The following ATP10D variants were observed in gnomAD, a reference collection of about 807,000 sequenced individuals.
ATP10D encodes the protein ATPase phospholipid transporting 10D (putative), also known as phospholipid-transporting ATPase VD.
A neutral mutation model predicts 144.8 loss-of-function variants in ATP10D; 89 were observed. That is an observed-to-expected ratio of 0.61 (90% confidence interval 0.52 to 0.73). ATP10D has a LOEUF of 0.73. Ranked by LOEUF, ATP10D falls within the 30% of genes least tolerant of loss-of-function variation. ATP10D has a pLI of 0.00. For missense variants in ATP10D, 1,603 were observed against 1,714.8 expected, an observed-to-expected ratio of 0.93 and a Z score of 1.15; for synonymous variants, 571 against 615.1, an observed-to-expected ratio of 0.93 and a Z score of 1.06.
chr4:47,485,393 TC>T lies in ATP10D; in HGVS notation c.-161del. ...AGATGTCTAAGTGATTTTTTTTTTT[TC>T]CCGGAAGGCAAATGGCTGGCGTGGA... On this transcript the variant is annotated 5_prime_UTR_variant, in exon 1 of 23. Coordinates refer to ENST00000273859, the MANE Select transcript of ATP10D (RefSeq NM_020453.4). 6.7e-6 allele frequency: 1 copy of T among 150,134 alleles called. No individual in the cohort carries two copies. The highest frequency in any genetic ancestry group is 1.5e-5 in the Non-Finnish European group (1 of 67,662). 9.3% of individuals were successfully genotyped at this position (150,134 alleles called of 1,614,324 possible). A position where few individuals can be genotyped will look rare whatever the true frequency, so the allele number is the denominator to read the frequency against.
intron 10 of ATP10D, among the ~76,000 whole-genome samples, chr4:47,547,781 A>G (rs7687166): frequency 0.24 from 36,148 of 152,018 alleles, 4,301 homozygotes; most frequent in Admixed American, 0.3. Flanking sequence ...AAGGCCTCGA[A>G]CTTCCCAGGA....
At chr4:47,538,661 C>A (rs1444121646) in intron 9 of ATP10D, among the ~76,000 whole-genome samples, 1 of 152,154 alleles carries the variant, frequency 6.6e-6, no homozygotes, top group Non-Finnish European at 1.5e-5. Flanking sequence ...TTATTGATGA[C>A]CTCATCCTAT....
At position 47,554,577 on chromosome 4, in the gene ATP10D, C is replaced by T. The variant is rs74631009; in HGVS notation, c.1636-149C>T. 5,045 of 580,950 alleles carry T rather than the reference C, an allele frequency of 8.7e-3. 188 individuals carry two copies. Among genetic ancestry groups the T allele is most frequent in the African/African-American group, 0.086 (4,567 of 53,178 alleles). The allele number at this position is 580,950 out of a possible 1,614,324, so 36.0% of individuals were successfully genotyped here. A position where few individuals can be genotyped will look rare whatever the true frequency, so the allele number is the denominator to read the frequency against. ...TTTCCTATTCTCACTTCCCATGACA[C>T]GATATACATTACAATTGTTTTTAGA... On this transcript the variant is annotated intron_variant, in intron 10 of 22. Transcript: ENST00000273859.
At chr4:47,516,191 C>G (rs1222677895) in intron 3 of ATP10D, among the ~76,000 whole-genome samples, 1 of 151,650 alleles carries the variant, frequency 6.6e-6, no homozygotes, top group African/African-American at 2.4e-5. Flanking sequence ...GATCGCACCA[C>G]TGCACTCCAG....
intron 1 of ATP10D, among the ~76,000 whole-genome samples, chr4:47,488,175 A>G (rs1189168361): frequency 6.6e-6 from 1 of 152,188 alleles, no homozygotes; most frequent in Non-Finnish European, 1.5e-5. Context: ...TTATGTATCT[A>G]TATTGATAAA....
At chr4:47,493,063 C>A (rs1472492055) in intron 1 of ATP10D, among the ~76,000 whole-genome samples, 2 of 152,080 alleles carry the variant, frequency 1.3e-5, no homozygotes, top group Non-Finnish European at 2.9e-5. Context: ...ATTCATTATT[C>A]TTTTTATCTC....
chr4:47,486,284 A>G lies in ATP10D; in HGVS notation c.-38+765A>G, dbSNP rs117301004. On this transcript the variant is annotated intron_variant, in intron 1 of 22. Transcript: ENST00000273859. Reference sequence around the variant, plus strand: ...GGGACCCTGTGCCTTTAGAAAGAATATGTTTTAACTGCTCTTATCATGCTA... The same window carrying G: ...GGGACCCTGTGCCTTTAGAAAGAATGTGTTTTAACTGCTCTTATCATGCTA... Among the ~76,000 whole-genome samples, 105 of 152,348 alleles carry G rather than the reference A, an allele frequency of 6.9e-4. 1 individual carries two copies. In the East Asian group the frequency reaches 0.019, roughly 28 times the overall value.
At position 47,557,638 on chromosome 4, in the gene ATP10D, AGACCTTTCTAAATTG is replaced by A; in HGVS notation, c.1825-25_1825-11del. On this transcript the variant is annotated splice_polypyrimidine_tract_variant and intron_variant, in intron 11 of 22. Transcript: ENST00000273859. Reference sequence around the variant, plus strand: ...TTAGAAACTGCTTTTGACTGTATTGAGACCTTTCTAAATTGTCTTTCATAGATCAGACACCCTTCA... The same window carrying A: ...TTAGAAACTGCTTTTGACTGTATTGATCTTTCATAGATCAGACACCCTTCA... 6.4e-7 allele frequency: 1 copy of A among 1,570,570 alleles called. No individual in the cohort carries two copies. The highest frequency in any genetic ancestry group is 1.8e-5 in the Admixed American group (1 of 55,046).
chr4:47,590,988 T>C, intron 22 of ATP10D, 54 bp from the exon 23 acceptor site: 1 of 1,118,464 alleles, frequency 8.9e-7, no homozygotes, highest in Non-Finnish European at 1.2e-6. Flanking sequence ...GGGGGGGGGG[T>C]TCTGTAATGC....
intron 1 of ATP10D, among the ~76,000 whole-genome samples, chr4:47,495,298 A>G (rs1413179241): frequency 1.3e-5 from 2 of 152,102 alleles, no homozygotes; most frequent in African/African-American, 2.4e-5. Context: ...CTTGGCTTGC[A>G]TTTTATGAAG....
Position 47,554,917 on chromosome 4 carries a change from G to A in ATP10D, c.1824+3G>A. The A allele has an allele frequency of 6.2e-7, 1 of 1,612,956 alleles. No homozygotes were observed. Among genetic ancestry groups the A allele is most frequent in the Non-Finnish European group, 8.5e-7 (1 of 1,179,172 alleles). On this transcript the variant is annotated splice_donor_region_variant and intron_variant, in intron 11 of 22. Transcript: ENST00000273859. The stretch of plus-strand genomic sequence containing the variant: ...CTCCTAACCAACCCCGACAAAAGGT[G>A]AGTAAGTTCTCTAATGCAAACAAGG...
In ATP10D at chr4:47,591,279, T is replaced by A; in HGVS notation, c.4179T>A (p.Ile1393=). 6.2e-7 allele frequency: 1 copy of A among 1,613,584 alleles called. No individual in the cohort carries two copies. Among genetic ancestry groups the A allele is most frequent in the African/African-American group, 1.3e-5 (1 of 75,006 alleles). ...TGAAGTCAGCAAGTTCCTGTGCTAT[T>A]GAGCAAGGAAACTTATCTCTGTGTG... The part of the protein sequence containing the change: ...FAMKSASSCA[I]EQGNLSLCET... Residue 1393 remains isoleucine, a synonymous_variant, in exon 23 of 23, where the codon ATT becomes ATA. Coordinates refer to ENST00000273859, the MANE Select transcript of ATP10D (RefSeq NM_020453.4).
Position 47,536,516 on chromosome 4 carries a change from A to G in ATP10D, c.1095A>G (p.Pro365=), listed in dbSNP as rs753996883. 1 of 1,613,546 alleles carries G rather than the reference A, an allele frequency of 6.2e-7. No homozygotes were observed. The highest frequency in any genetic ancestry group is 1.7e-5 in the Admixed American group (1 of 59,998). The change falls in exon 8 of 23, where the codon CCA becomes CCG. Residue 365 remains proline (P), a synonymous_variant. Transcript: ENST00000273859. ...VPEPDGHIIS[P]LLAGFYMFWT... ...AGCCTGATGGACATATCATATCACC[A>G]CTGTTGGCAGGATTTTATATGTTTT...
chr4:47,515,795 G>GT, intron 3 of ATP10D, 125 bp downstream of exon 3: 1 of 715,424 alleles, frequency 1.4e-6, no homozygotes. Flanking sequence ...TGTTGCTATT[G>GT]TTTTCAACTA....
chr4:47,489,929 A>ATTC (rs1382056139), intron 1 of ATP10D, among the ~76,000 whole-genome samples: 1 of 152,158 alleles, frequency 6.6e-6, no homozygotes, highest in East Asian at 1.9e-4. Flanking sequence ...TATTCAGCTT[A>ATTC]AGGCCTTTTT....
intron 5 of ATP10D, among the ~76,000 whole-genome samples, chr4:47,531,178 T>C (rs1281865907): frequency 1.3e-5 from 2 of 152,216 alleles, no homozygotes; most frequent in Non-Finnish European, 1.5e-5. Context: ...TGATTCAATT[T>C]CATTTCTTGT....
chr4:47,490,511 T>C (rs1715014373), intron 1 of ATP10D, among the ~76,000 whole-genome samples: 1 of 152,276 alleles, frequency 6.6e-6, no homozygotes, highest in Non-Finnish European at 1.5e-5. Flanking sequence ...ATCAGGCTAG[T>C]GCATGAGAAG....
At chr4:47,512,459 A>G in intron 1 of ATP10D, 45 bp from the exon 2 acceptor site, 1 of 1,256,870 alleles carries the variant, frequency 8.0e-7, no homozygotes, top group Non-Finnish European at 1.1e-6. Flanking sequence ...TATCTTTGAG[A>G]CGTTTCAGAA....
At chr4:47,566,429 T>C (rs1719642627) in intron 15 of ATP10D, among the ~76,000 whole-genome samples, 1 of 152,172 alleles carries the variant, frequency 6.6e-6, no homozygotes, top group South Asian at 2.1e-4. Context: ...TTGGTAACTT[T>C]CTATCTTCAT....
Sources: gnomAD v4.1 joint callset for allele counts (sites outside exome capture counted in the v4.1 genomes callset) on GRCh38, gnomAD v4.1.1 for gene constraint, MANE v1.5 for transcripts, NCBI Gene and HGNC (gene_info 2026-07-23, HGNC 2026-07-21) for gene names.